GRIN2B: variants seen among roughly 807,000 people sequenced by gnomAD.
GRIN2B encodes glutamate ionotropic receptor NMDA type subunit 2B, also known as glutamate receptor ionotropic, NMDA 2B.
A neutral mutation model predicts 114.5 loss-of-function variants in GRIN2B; 5 were observed. The ratio of observed to expected loss-of-function variants is 0.04; its 90% confidence interval spans 0.02 to 0.09. GRIN2B has a LOEUF of 0.09. Ranked by LOEUF, GRIN2B falls within the 10% of genes least tolerant of loss-of-function variation. The pLI is 1.00. For missense variants in GRIN2B, 1,108 were observed against 1,943.5 expected (o/e 0.57, Z 8.08); for synonymous variants, 787 against 745.1 (o/e 1.06, Z -0.92).
intron 8 of GRIN2B, among the ~76,000 whole-genome samples, chr12:13,612,236 C>T (rs1462449803): frequency 6.6e-6 from 1 of 152,202 alleles, no homozygotes; most frequent in Non-Finnish European, 1.5e-5. Flanking sequence ...GTAATGGAGG[C>T]CTGGAAATGC....
intron 2 of GRIN2B, among the ~76,000 whole-genome samples, chr12:13,916,134 C>T (rs1371496538): frequency 6.6e-6 from 1 of 152,026 alleles, no homozygotes; most frequent in Non-Finnish European, 1.5e-5. Flanking sequence ...AGATTAGGGG[C>T]AAGAGGCTGG....
chr12:13,883,127 A>G (rs1161433765), intron 2 of GRIN2B, among the ~76,000 whole-genome samples: 2 of 152,186 alleles, frequency 1.3e-5, no homozygotes, highest in Non-Finnish European at 2.9e-5. Context: ...CTTTGTATAG[A>G]TTTATCACAA....
chr12:13,898,552 G>T (rs1056939935), intron 2 of GRIN2B, among the ~76,000 whole-genome samples: 2 of 152,212 alleles, frequency 1.3e-5, no homozygotes, highest in African/African-American at 4.8e-5. Flanking sequence ...GCAAGAGGAA[G>T]AACACAAGTG....
chr12:13,713,044 A>T (rs1488669368), intron 4 of GRIN2B, among the ~76,000 whole-genome samples: 1 of 151,904 alleles, frequency 6.6e-6, no homozygotes, highest in Non-Finnish European at 1.5e-5. Context: ...TATGCTTACC[A>T]CCAAGCATAA....
intron 2 of GRIN2B, among the ~76,000 whole-genome samples, chr12:13,947,936 C>G (rs1248879667): frequency 1.3e-5 from 2 of 152,158 alleles, no homozygotes; most frequent in Non-Finnish European, 2.9e-5. Context: ...AGCAGCCCCC[C>G]ATTTTTAAAC....
At chr12:13,645,852 C>T (rs1005980198) in intron 5 of GRIN2B, among the ~76,000 whole-genome samples, 2 of 152,024 alleles carry the variant, frequency 1.3e-5, no homozygotes, top group Non-Finnish European at 2.9e-5. Context: ...GCAAGTTCTA[C>T]ATAAATAAAT....
chr12:13,702,243 G>T (rs2136569935), intron 4 of GRIN2B, among the ~76,000 whole-genome samples: 1 of 152,242 alleles, frequency 6.6e-6, no homozygotes, highest in African/African-American at 2.4e-5. Context: ...ATATTCATAA[G>T]TTTACTGATT....
intron 3 of GRIN2B, among the ~76,000 whole-genome samples, chr12:13,762,740 T>C (rs896121220): frequency 6.6e-6 from 1 of 152,318 alleles, no homozygotes; most frequent in South Asian, 2.1e-4. Flanking sequence ...TCTTTGCCCT[T>C]CTGTCCCAGC....
At chr12:13,566,982 G>A in intron 13 of GRIN2B, 43 bp downstream of exon 13, 2 of 1,342,028 alleles carry the variant, frequency 1.5e-6, no homozygotes, top group Non-Finnish European at 2.1e-6. Context: ...GCTAGGCTAA[G>A]CTGTCCCTAA....
intron 2 of GRIN2B, among the ~76,000 whole-genome samples, chr12:13,976,788 T>A (rs985019329): frequency 6.6e-6 from 1 of 152,010 alleles, no homozygotes; most frequent in Non-Finnish European, 1.5e-5. Flanking sequence ...AAAAAAAAAA[T>A]CCTGCCCCCA....
At chr12:13,759,155 G>A (rs749280344) in intron 3 of GRIN2B, among the ~76,000 whole-genome samples, 3 of 151,528 alleles carry the variant, frequency 2.0e-5, no homozygotes, top group African/African-American at 7.3e-5. Context: ...CTACAGATGC[G>A]CACCACCACA....
intron 10 of GRIN2B, among the ~76,000 whole-genome samples, chr12:13,573,033 T>C (rs919793740): frequency 5.3e-5 from 8 of 150,282 alleles, no homozygotes; most frequent in Admixed American, 3.3e-4. Context: ...GCTCCGCCAC[T>C]TACCACTGTG....
chr12:13,671,165 T>C (rs1457718686), intron 5 of GRIN2B, among the ~76,000 whole-genome samples: 2 of 152,170 alleles, frequency 1.3e-5, no homozygotes, highest in African/African-American at 4.8e-5. Context: ...CATGTGCAAA[T>C]ATTACCTTAA....
intron 4 of GRIN2B, among the ~76,000 whole-genome samples, chr12:13,703,031 G>A (rs924232675): frequency 1.4e-4 from 21 of 152,134 alleles, no homozygotes; most frequent in African/African-American, 5.1e-4. Flanking sequence ...TTGGAGGAAT[G>A]GACACGTTAA....
rs565509218 is a variant in GRIN2B, at chr12:13,881,213, G to A, written c.-18-14987C>T. ...CAACTCCACTTGCCGCTTTTTTTCT[G>A]CTGTTCTAATTTTCCCTGGTTGTCC... On this transcript the variant is annotated intron_variant, in intron 2 of 13. Coordinates refer to ENST00000609686, the MANE Select transcript of GRIN2B (RefSeq NM_000834.5). 1.2e-3 allele frequency among the ~76,000 whole-genome samples: 185 copies of A among 151,812 alleles called. 3 individuals are homozygous for A. Among genetic ancestry groups the A allele is most frequent in the South Asian group, 5.6e-3 (27 of 4,796 alleles).
rs147308077 is a variant in GRIN2B, at chr12:13,812,699, G to C, written c.411+53099C>G. On this transcript the variant is annotated intron_variant, in intron 3 of 13. Coordinates refer to ENST00000609686, the MANE Select transcript of GRIN2B (RefSeq NM_000834.5). ...AACCTCTGAAAGAAATGGAAGTGAGGAATAGAACTAAGAAAATGAAAGGTA... is the reference window on the plus strand; with the variant it reads ...AACCTCTGAAAGAAATGGAAGTGAGCAATAGAACTAAGAAAATGAAAGGTA... Among the ~76,000 whole-genome samples the C allele has an allele frequency of 3.2e-4, 49 of 152,154 alleles. 1 individual carries two copies. Among genetic ancestry groups the C allele is most frequent in the African/African-American group, 1.1e-3 (45 of 41,522 alleles).
At chr12:13,872,592 C>T (rs552662218) in intron 2 of GRIN2B, among the ~76,000 whole-genome samples, 1 of 152,136 alleles carries the variant, frequency 6.6e-6, no homozygotes, top group Admixed American at 6.5e-5. Flanking sequence ...AATAATTCAC[C>T]ACATTAAAGA....
chr12:13,834,243 T>G (rs1287430792), intron 3 of GRIN2B, among the ~76,000 whole-genome samples: 1 of 148,210 alleles, frequency 6.7e-6, no homozygotes, highest in Non-Finnish European at 1.5e-5. Flanking sequence ...TTCACCGTGT[T>G]AGCCACAATG....
intron 5 of GRIN2B, among the ~76,000 whole-genome samples, chr12:13,628,312 T>C (rs533604330): frequency 2.2e-4 from 33 of 152,258 alleles, no homozygotes; most frequent in Non-Finnish European, 2.9e-4. Context: ...AGAAGACCCC[T>C]GGGAGTCAGA....
Sources: gnomAD v4.1 joint callset for allele counts (sites outside exome capture counted in the v4.1 genomes callset) on GRCh38, gnomAD v4.1.1 for gene constraint, MANE v1.5 for transcripts, NCBI Gene and HGNC (gene_info 2026-07-23, HGNC 2026-07-21) for gene names.